CHRM2: variants seen among roughly 807,000 people sequenced by gnomAD.
CHRM2 encodes the protein cholinergic receptor muscarinic 2, also known as muscarinic acetylcholine receptor M2.
A neutral mutation model predicts 25.0 loss-of-function variants in CHRM2; 8 were observed. The observed-to-expected ratio is 0.32, with a 90% confidence interval of 0.19 to 0.58. CHRM2 has a LOEUF of 0.58. Ranked by LOEUF, CHRM2 falls within the 20% of genes least tolerant of loss-of-function variation. The pLI, the probability that CHRM2 is intolerant of heterozygous loss-of-function variation, is 0.88. For missense variants in CHRM2, 440 were observed against 567.1 expected (o/e 0.78, Z 2.28); for synonymous variants, 202 against 205.7 (o/e 0.98, Z 0.15).
At chr7:136,955,021 C>A (rs1041320415) in intron 2 of CHRM2, among the ~76,000 whole-genome samples, 1 of 152,072 alleles carries the variant, frequency 6.6e-6, no homozygotes, top group Non-Finnish European at 1.5e-5. Flanking sequence ...TAGTACTATA[C>A]CCTAAGTGCT....
intron 2 of CHRM2, among the ~76,000 whole-genome samples, chr7:136,872,389 A>G (rs1795875720): frequency 6.6e-6 from 1 of 152,336 alleles, no homozygotes; most frequent in South Asian, 2.1e-4. Flanking sequence ...GTGAGTTCCC[A>G]TGGTCCTTCA....
chr7:136,884,413 T>C (rs1393506400), intron 2 of CHRM2, among the ~76,000 whole-genome samples: 1 of 152,178 alleles, frequency 6.6e-6, no homozygotes, highest in African/African-American at 2.4e-5. Flanking sequence ...AAATAGCAGA[T>C]TACTTCATCC....
intron 3 of CHRM2, among the ~76,000 whole-genome samples, chr7:137,001,819 T>C (rs984419358): frequency 3.9e-5 from 6 of 152,198 alleles, no homozygotes; most frequent in African/African-American, 1.2e-4. Context: ...AAATGTTTTA[T>C]AGTAGTCACC....
chr7:136,870,511 CT>C, intron 2 of CHRM2: 1 of 152,830 alleles, frequency 6.5e-6, no homozygotes, highest in Non-Finnish European at 1.5e-5. Flanking sequence ...ATCCGCATCC[CT>C]TTCTCTATCT....
chr7:136,915,456 T>C (rs184435945), intron 2 of CHRM2, among the ~76,000 whole-genome samples: 4 of 152,018 alleles, frequency 2.6e-5, no homozygotes, highest in South Asian at 2.1e-4. Context: ...TAGGTTTTAA[T>C]TGAAGTGATC....
At chr7:136,889,926 C>G (rs773935019) in intron 2 of CHRM2, among the ~76,000 whole-genome samples, 9 of 152,188 alleles carry the variant, frequency 5.9e-5, no homozygotes, top group Non-Finnish European at 1.3e-4. Context: ...GACAGGCGAC[C>G]TCAGCTGCCT....
At chr7:136,914,618 T>G (rs778426952) in intron 2 of CHRM2, among the ~76,000 whole-genome samples, 3 of 151,886 alleles carry the variant, frequency 2.0e-5, no homozygotes, top group Non-Finnish European at 4.4e-5. Flanking sequence ...CAGTATTATA[T>G]CAGAGAAAAA....
At chr7:136,888,201 C>T (rs767820411) in intron 2 of CHRM2, among the ~76,000 whole-genome samples, 1 of 152,172 alleles carries the variant, frequency 6.6e-6, no homozygotes, top group Non-Finnish European at 1.5e-5. Flanking sequence ...CCATGCCCAT[C>T]GAGTCGTAGC....
intron 2 of CHRM2, among the ~76,000 whole-genome samples, chr7:136,877,611 G>A (rs1479045870): frequency 6.6e-6 from 1 of 152,034 alleles, no homozygotes; most frequent in Non-Finnish European, 1.5e-5. Context: ...AGGAGTTAGA[G>A]AAAGTGAGAG....
intron 2 of CHRM2, among the ~76,000 whole-genome samples, chr7:136,962,269 AT>A (rs67785426): frequency 0.9 from 137,004 of 152,048 alleles, 62,231 homozygotes; most frequent in Middle Eastern, 0.98. Flanking sequence ...AGTAGCTGGG[AT>A]TTACAGGCAT....
At chr7:136,912,637 C>G (rs1797903539) in intron 2 of CHRM2, among the ~76,000 whole-genome samples, 1 of 151,814 alleles carries the variant, frequency 6.6e-6, no homozygotes, top group African/African-American at 2.4e-5. Context: ...ACTTCCAGCT[C>G]TTGATATTGC....
chr7:136,895,690 C>T lies in CHRM2; in HGVS notation c.-125+26272C>T, dbSNP rs781061251. On this transcript the variant is annotated intron_variant, in intron 2 of 3. Transcript: ENST00000680005. ...GCATTTAAACTTTCTTGCTACTAAA[C>T]CCTCCTCACCCTACTCCTCGCTTCT... is the stretch of plus-strand genomic sequence containing the variant. Among the ~76,000 whole-genome samples, 3 of 152,218 alleles carry T rather than the reference C, an allele frequency of 2.0e-5. No homozygotes were observed. In the East Asian group the frequency reaches 5.8e-4, roughly 29 times the overall value.
chr7:136,921,837 T>A lies in CHRM2; in HGVS notation c.-125+52419T>A, dbSNP rs751546212. On this transcript the variant is annotated intron_variant, in intron 2 of 3. Coordinates refer to ENST00000680005, the MANE Select transcript of CHRM2 (RefSeq NM_001006630.2). Reference sequence around the variant, plus strand: ...TCTCACTCTCACACCCGGGCTGAAGTGCAGTGGCATATCTGCTCACTGCAA... The same window carrying A: ...TCTCACTCTCACACCCGGGCTGAAGAGCAGTGGCATATCTGCTCACTGCAA... Among the ~76,000 whole-genome samples, 5 of 148,536 alleles carry A rather than the reference T, an allele frequency of 3.4e-5. 1 individual carries two copies. The highest frequency in any genetic ancestry group is 7.5e-5 in the Non-Finnish European group (5 of 66,300).
At chr7:136,878,689 C>T (rs941818185) in intron 2 of CHRM2, among the ~76,000 whole-genome samples, 1 of 151,860 alleles carries the variant, frequency 6.6e-6, no homozygotes, top group Non-Finnish European at 1.5e-5. Context: ...ATACCTCATG[C>T]CCACCCGATG....
Position 136,921,897 on chromosome 7 carries a change from C to G in CHRM2, c.-125+52479C>G, listed in dbSNP as rs75545842. Among the ~76,000 whole-genome samples the G allele has an allele frequency of 6.1e-3, 928 of 151,796 alleles. 4 individuals are homozygous for G. Among genetic ancestry groups the G allele is most frequent in the Non-Finnish European group, 9.2e-3 (624 of 67,868 alleles). On this transcript the variant is annotated intron_variant, in intron 2 of 3. Coordinates refer to ENST00000680005, the MANE Select transcript of CHRM2 (RefSeq NM_001006630.2). ...CCCAGGTTCAAGTGCCTCAGCCTCC[C>G]GAGTAGCTGGGATTACAGGTGCGCA...
At chr7:136,968,680 A>G (rs993608907) in intron 2 of CHRM2, among the ~76,000 whole-genome samples, 4 of 147,992 alleles carry the variant, frequency 2.7e-5, no homozygotes, top group African/African-American at 9.9e-5. Context: ...TATTGTATAT[A>G]CCATATGTAT....
At chr7:137,007,540 T>C (rs1456328005) in intron 3 of CHRM2, among the ~76,000 whole-genome samples, 1 of 152,068 alleles carries the variant, frequency 6.6e-6, no homozygotes, top group Non-Finnish European at 1.5e-5. Context: ...ATATGTACAA[T>C]GACTCATAAT....
At chr7:136,939,707 A>G (rs1454100272) in intron 2 of CHRM2, among the ~76,000 whole-genome samples, 1 of 152,206 alleles carries the variant, frequency 6.6e-6, no homozygotes, top group African/African-American at 2.4e-5. Flanking sequence ...CTTTATGAAA[A>G]TTAAATAAAT....
intron 2 of CHRM2, among the ~76,000 whole-genome samples, chr7:136,917,825 G>A (rs970468130): frequency 2.6e-5 from 4 of 152,086 alleles, no homozygotes; most frequent in East Asian, 1.9e-4. Flanking sequence ...GGCTTATTAG[G>A]GTAAAGGAGT....
Sources: gnomAD v4.1 joint callset for allele counts (sites outside exome capture counted in the v4.1 genomes callset) on GRCh38, gnomAD v4.1.1 for gene constraint, MANE v1.5 for transcripts, NCBI Gene and HGNC (gene_info 2026-07-23, HGNC 2026-07-21) for gene names.